BNC2: variants seen among roughly 807,000 people sequenced by gnomAD.
BNC2 encodes the protein basonuclin zinc finger protein 2.
A neutral mutation model predicts 76.3 loss-of-function variants in BNC2; 20 were observed. The ratio of observed to expected loss-of-function variants is 0.26; its 90% CI spans 0.18 to 0.38. The LOEUF (loss-of-function observed/expected upper bound fraction) is 0.38, where lower values mean the gene tolerates loss of function less well. Among genes scored for constraint, BNC2 ranks in the 10% least tolerant of loss-of-function variants. The pLI, the probability that BNC2 is intolerant of heterozygous loss-of-function variation, is 1.00. For synonymous variants in BNC2, 582 were observed against 514.8 expected, an observed-to-expected ratio of 1.13 and a Z score of -1.77; for missense variants, 1,382 against 1,399.8, an observed-to-expected ratio of 0.99 and a Z score of 0.20.
chr9:16,840,992 G>C (rs188037492), intron 1 of BNC2, among the ~76,000 whole-genome samples: 44 of 152,260 alleles, frequency 2.9e-4, no homozygotes, highest in African/African-American at 1.0e-3. Context: ...CTCTCAGCTA[G>C]GGTAATTAGT....
chr9:16,588,336 A>G (rs1819829747), intron 3 of BNC2, among the ~76,000 whole-genome samples: 2 of 152,204 alleles, frequency 1.3e-5, no homozygotes, highest in Admixed American at 1.3e-4. Context: ...ATTGCTTAAC[A>G]CATATTTAGT....
intron 1 of BNC2, among the ~76,000 whole-genome samples, chr9:16,859,997 C>G (rs1466983140): frequency 6.6e-6 from 1 of 152,078 alleles, no homozygotes; most frequent in Non-Finnish European, 1.5e-5. Context: ...TGCCATGTGC[C>G]TGTAATCCCA....
Position 16,552,643 on chromosome 9 carries a change from G to A in BNC2, c.556C>T (p.Leu186=), listed in dbSNP as rs781698141. The stretch of plus-strand genomic sequence containing the variant: ...AAGAGACGGTCCAGCAGGATCTTTA[G>A]CCGCACAGGCACTGCTTGTGTCCCA... The part of the protein sequence containing the change: ...LYGTQAVPVR[L]KILLDRLFSV... The change falls in exon 5 of 7, where the codon CTA becomes TTA. Residue 186 remains leucine (L), a synonymous_variant. Coordinates refer to ENST00000380672, the MANE Select transcript of BNC2 (RefSeq NM_017637.6). The A allele has an allele frequency of 2.5e-6, 4 of 1,614,200 alleles. No homozygotes were observed. Among genetic ancestry groups the A allele is most frequent in the Non-Finnish European group, 3.4e-6 (4 of 1,180,034 alleles).
chr9:16,529,394 C>G (rs1017049147), intron 5 of BNC2, among the ~76,000 whole-genome samples: 1 of 152,128 alleles, frequency 6.6e-6, no homozygotes, highest in Non-Finnish European at 1.5e-5. Context: ...ATAATGATAA[C>G]ATATGGAGAA....
chr9:16,535,856 C>T (rs1309573844), intron 5 of BNC2, among the ~76,000 whole-genome samples: 2 of 152,144 alleles, frequency 1.3e-5, no homozygotes, highest in East Asian at 3.9e-4. Flanking sequence ...CACACTTGGA[C>T]TTGCCCTCTC....
rs145825401 is a variant in BNC2 at position 16,690,976 on chromosome 9, T to C, written c.330+36821A>G. Among the ~76,000 whole-genome samples, 1,386 of 152,228 alleles carry C rather than the reference T, an allele frequency of 9.1e-3. 13 individuals are homozygous for C. The highest frequency in any genetic ancestry group is 0.031 in the African/African-American group (1,292 of 41,524). On this transcript the variant is annotated intron_variant, in intron 3 of 6. Transcript: ENST00000380672. ...TCTGGGGTGAGCTGCCAAAGAACAG[T>C]GCCCTGGGCTCTGTGATAGGAGCAA... is the stretch of plus-strand genomic sequence containing the variant.
At chr9:16,797,357 G>T (rs1817682293) in intron 1 of BNC2, among the ~76,000 whole-genome samples, 1 of 152,098 alleles carries the variant, frequency 6.6e-6, no homozygotes, top group Non-Finnish European at 1.5e-5. Context: ...GATTAAATGA[G>T]CTCCTCTGTA....
intron 5 of BNC2, among the ~76,000 whole-genome samples, chr9:16,478,820 G>T (rs1012035499): frequency 7.9e-5 from 12 of 152,134 alleles, no homozygotes; most frequent in African/African-American, 2.9e-4. Context: ...CTATTTTGTG[G>T]CTCCCTGCAT....
intron 3 of BNC2, among the ~76,000 whole-genome samples, chr9:16,707,964 A>G (rs1260033985): frequency 6.6e-6 from 1 of 152,178 alleles, no homozygotes; most frequent in Non-Finnish European, 1.5e-5. Flanking sequence ...TAATCTAAGT[A>G]TTCACTACTA....
rs1274675211 is a variant in BNC2, at chr9:16,468,036, TTC to T, written c.670-30514_670-30513del. Reference sequence around the variant, plus strand: ...AAAACTCCTAATCTCATTTCTTTCTTTCTCTTTTTTTTTTTTTTTTTTTGAGA... The same window carrying T: ...AAAACTCCTAATCTCATTTCTTTCTTTCTTTTTTTTTTTTTTTTTTTGAGA... On this transcript the variant is annotated intron_variant, in intron 5 of 6. Coordinates refer to ENST00000380672, the MANE Select transcript of BNC2 (RefSeq NM_017637.6). Among the ~76,000 whole-genome samples, 152 of 149,248 alleles carry T rather than the reference TTC, an allele frequency of 1.0e-3. No homozygotes were observed. The East Asian group carries it at 0.012, about 12-fold the overall frequency.
At chr9:16,531,489 G>A (rs1219348340) in intron 5 of BNC2, among the ~76,000 whole-genome samples, 5 of 151,666 alleles carry the variant, frequency 3.3e-5, no homozygotes, top group African/African-American at 1.2e-4. Flanking sequence ...ACACTGGTCT[G>A]TGAAGCCAAG....
At chr9:16,741,415 T>G (rs941612325) in intron 1 of BNC2, among the ~76,000 whole-genome samples, 1 of 150,964 alleles carries the variant, frequency 6.6e-6, no homozygotes, top group Non-Finnish European at 1.5e-5. Context: ...ATCACGCCAC[T>G]GCACTCCAGC....
chr9:16,490,165 C>T (rs891283804), intron 5 of BNC2, among the ~76,000 whole-genome samples: 1 of 152,082 alleles, frequency 6.6e-6, no homozygotes, highest in Non-Finnish European at 1.5e-5. Flanking sequence ...TAAAGACATA[C>T]CAGAGACTGT....
chr9:16,564,921 G>C (rs577065849), intron 4 of BNC2, among the ~76,000 whole-genome samples: 5 of 151,938 alleles, frequency 3.3e-5, no homozygotes, highest in African/African-American at 1.2e-4. Context: ...TATCTAGCAC[G>C]AACATTCAAA....
At chr9:16,739,634 T>C (rs1824783873) in intron 1 of BNC2, among the ~76,000 whole-genome samples, 1 of 152,084 alleles carries the variant, frequency 6.6e-6, no homozygotes, top group South Asian at 2.1e-4. Context: ...ATTGTGCCAT[T>C]GCACTCCACC....
intron 3 of BNC2, among the ~76,000 whole-genome samples, chr9:16,723,771 T>C (rs1824236485): frequency 6.6e-6 from 1 of 152,116 alleles, no homozygotes; most frequent in South Asian, 2.1e-4. Flanking sequence ...AAATCGTTGA[T>C]TTAATTTTTA....
At chr9:16,798,551 C>T (rs1817709203) in intron 1 of BNC2, among the ~76,000 whole-genome samples, 1 of 152,094 alleles carries the variant, frequency 6.6e-6, no homozygotes, top group African/African-American at 2.4e-5. Context: ...AAACACTAGA[C>T]TTCTAAGTAA....
intron 3 of BNC2, among the ~76,000 whole-genome samples, chr9:16,595,163 G>A (rs1820032180): frequency 6.6e-6 from 1 of 152,020 alleles, no homozygotes; most frequent in Admixed American, 6.6e-5. Flanking sequence ...AGGAACACTT[G>A]GTTTATTCTA....
At chr9:16,857,571 T>C (rs1352772449) in intron 1 of BNC2, among the ~76,000 whole-genome samples, 1 of 150,546 alleles carries the variant, frequency 6.6e-6, no homozygotes, top group Admixed American at 6.6e-5. Flanking sequence ...AAAAAAATTA[T>C]CCTTAAAATA....
Sources: gnomAD v4.1 joint callset for allele counts (sites outside exome capture counted in the v4.1 genomes callset) on GRCh38, gnomAD v4.1.1 for gene constraint, MANE v1.5 for transcripts, NCBI Gene and HGNC (gene_info 2026-07-23, HGNC 2026-07-21) for gene names.